Variants in CSMD1 observed in about 807,000 individuals in gnomAD.
The protein encoded by CSMD1 is CUB and Sushi multiple domains 1.
In CSMD1, 213 loss-of-function variants were observed where a neutral mutation model predicts 417.5. That is an observed-to-expected ratio of 0.51 (90% CI 0.46 to 0.57). The LOEUF is 0.57. Ranked by LOEUF, CSMD1 falls within the 20% of genes least tolerant of loss-of-function variation. The pLI, the probability that CSMD1 is intolerant of heterozygous loss-of-function variation, is 0.00. For missense variants in CSMD1, 6,923 were observed against 4,529.7 expected (o/e 1.53, Z -15.17); for synonymous variants, 2,862 against 1,736.8 (o/e 1.65, Z -16.11).
intron 7 of CSMD1, among the ~76,000 whole-genome samples, chr8:3,667,152 G>A (rs1284707370): frequency 6.6e-6 from 1 of 152,076 alleles, no homozygotes; most frequent in Non-Finnish European, 1.5e-5. Context: ...AAGGGGGGCT[G>A]TTCTTATGGA....
chr8:4,341,886 A>G (rs1240214250), intron 3 of CSMD1, among the ~76,000 whole-genome samples: 1 of 152,038 alleles, frequency 6.6e-6, no homozygotes. Context: ...CTTCCACACC[A>G]CTAACTTTCT....
At chr8:3,172,404 G>T (rs989669786) in intron 37 of CSMD1, among the ~76,000 whole-genome samples, 1 of 152,110 alleles carries the variant, frequency 6.6e-6, no homozygotes, top group Non-Finnish European at 1.5e-5. Context: ...CTGAGGCATT[G>T]CTGTCATCTG....
At chr8:3,289,729 C>T (rs1270544774) in intron 25 of CSMD1, among the ~76,000 whole-genome samples, 3 of 147,116 alleles carry the variant, frequency 2.0e-5, no homozygotes, top group Non-Finnish European at 4.4e-5. Context: ...GATATTAGCC[C>T]TTTGTCAGAT....
At chr8:3,452,038 T>A (rs142506836) in intron 12 of CSMD1, among the ~76,000 whole-genome samples, 2 of 151,952 alleles carry the variant, frequency 1.3e-5, no homozygotes, top group African/African-American at 4.8e-5. Flanking sequence ...TCACATCCCT[T>A]GTAAGTTGGA....
intron 4 of CSMD1, among the ~76,000 whole-genome samples, chr8:4,016,404 G>C (rs1796524889): frequency 1.3e-5 from 2 of 152,160 alleles, no homozygotes; most frequent in Admixed American, 1.3e-4. Context: ...CAGTGGCAGA[G>C]AAGATGCATG....
chr8:4,258,189 C>T (rs111467646), intron 3 of CSMD1, among the ~76,000 whole-genome samples: 1 of 150,014 alleles, frequency 6.7e-6, no homozygotes, highest in South Asian at 2.1e-4. Flanking sequence ...AAGCAATCTT[C>T]CTGGCTTGGC....
At chr8:4,911,393 A>C (rs1805660465) in intron 1 of CSMD1, among the ~76,000 whole-genome samples, 1 of 152,166 alleles carries the variant, frequency 6.6e-6, no homozygotes, top group Non-Finnish European at 1.5e-5. Flanking sequence ...CTTTCTCTAG[A>C]TTTGTTAGGT....
At chr8:3,500,475 C>G (rs1013497012) in intron 10 of CSMD1, among the ~76,000 whole-genome samples, 4 of 152,052 alleles carry the variant, frequency 2.6e-5, no homozygotes, top group African/African-American at 9.7e-5. Context: ...AATACTAAGA[C>G]TCTGTCAGAG....
chr8:4,657,426 C>T (rs567470630), intron 1 of CSMD1, among the ~76,000 whole-genome samples: 10 of 152,264 alleles, frequency 6.6e-5, no homozygotes, highest in African/African-American at 2.4e-4. Flanking sequence ...CCCTCTCTGT[C>T]TCTCTTTCTC....
intron 3 of CSMD1, among the ~76,000 whole-genome samples, chr8:4,369,968 G>A (rs188181836): frequency 7.2e-5 from 11 of 152,148 alleles, no homozygotes; most frequent in East Asian, 5.8e-4. Flanking sequence ...ATACTGACAC[G>A]TGAGAATTGT....
At chr8:3,261,539 C>G (rs956315869) in intron 26 of CSMD1, among the ~76,000 whole-genome samples, 1 of 152,110 alleles carries the variant, frequency 6.6e-6, no homozygotes, top group African/African-American at 2.4e-5. Flanking sequence ...AAAAGAAAAC[C>G]TGCGCGTGAA....
chr8:3,939,302 G>T (rs554342556), intron 5 of CSMD1, among the ~76,000 whole-genome samples: 2 of 151,982 alleles, frequency 1.3e-5, no homozygotes, highest in East Asian at 3.9e-4. Context: ...AATTAAAACC[G>T]CAATGAGATA....
At chr8:4,743,484 G>A (rs1025742602) in intron 1 of CSMD1, among the ~76,000 whole-genome samples, 8 of 152,086 alleles carry the variant, frequency 5.3e-5, no homozygotes, top group Admixed American at 1.3e-4. Context: ...CAGAAACACC[G>A]GAGCGTCAAG....
intron 25 of CSMD1, among the ~76,000 whole-genome samples, chr8:3,304,738 T>C (rs77510544): frequency 1.4e-5 from 2 of 142,856 alleles, no homozygotes; most frequent in Non-Finnish European, 3.1e-5. Context: ...CTCTTTTTAA[T>C]TTTTTTTATT....
intron 1 of CSMD1, among the ~76,000 whole-genome samples, chr8:4,865,623 G>T (rs1054503285): frequency 6.6e-6 from 1 of 151,734 alleles, no homozygotes; most frequent in Non-Finnish European, 1.5e-5. Flanking sequence ...CCATTTTTAC[G>T]AAGATCTAAG....
chr8:3,257,498 C>T (rs1330900518), intron 26 of CSMD1, among the ~76,000 whole-genome samples: 1 of 152,158 alleles, frequency 6.6e-6, no homozygotes, highest in Non-Finnish European at 1.5e-5. Flanking sequence ...TGGACAGTGA[C>T]AGTGCGTTGG....
intron 3 of CSMD1, among the ~76,000 whole-genome samples, chr8:4,344,971 G>A (rs1406942911): frequency 2.0e-5 from 3 of 151,894 alleles, no homozygotes; most frequent in East Asian, 3.9e-4. Context: ...GGAATTTTCG[G>A]ACTGAAGAAA....
intron 12 of CSMD1, among the ~76,000 whole-genome samples, chr8:3,444,393 C>A (rs914448683): frequency 3.3e-5 from 5 of 152,164 alleles, no homozygotes; most frequent in African/African-American, 1.2e-4. Flanking sequence ...GATTGAAAAT[C>A]ATCAGACTGT....
intron 1 of CSMD1, among the ~76,000 whole-genome samples, chr8:4,731,389 C>G (rs1352636698): frequency 6.6e-6 from 1 of 152,172 alleles, no homozygotes; most frequent in Non-Finnish European, 1.5e-5. Flanking sequence ...ATTCCCCCAC[C>G]TGTGCAAGTA....
Sources: gnomAD v4.1 joint callset for allele counts (sites outside exome capture counted in the v4.1 genomes callset) on GRCh38, gnomAD v4.1.1 for gene constraint, MANE v1.5 for transcripts, NCBI Gene and HGNC (gene_info 2026-07-23, HGNC 2026-07-21) for gene names.